Variants in NCLN observed in about 807,000 individuals in gnomAD.
The protein encoded by NCLN is BOS complex subunit NCLN.
Under a neutral mutation model 69.5 loss-of-function variants are expected in NCLN, and 34 were observed. That is an observed-to-expected ratio of 0.49 (90% CI 0.37 to 0.65). The LOEUF (loss-of-function observed/expected upper bound fraction) is 0.65. NCLN is among the 30% of genes least tolerant of loss of function. NCLN has a pLI of 0.00. For synonymous variants in NCLN, 393 were observed against 358.3 expected (o/e 1.10, Z -1.09); for missense variants, 710 against 804.8 (o/e 0.88, Z 1.42).
rs747535929 is a variant in NCLN, at chr19:3,192,597, G to A, written c.312G>A (p.Ser104=). 98 of 1,604,632 alleles carry A rather than the reference G, an allele frequency of 6.1e-5. No individual in the cohort carries two copies. The highest frequency in any genetic ancestry group is 7.8e-5 in the Non-Finnish European group (92 of 1,175,292). ...AGTACCAGAAGGCCCTGCGGCAGTCGGCGGGCGCCGTGGTCATCATCCTGC... is the reference window on the plus strand; with the variant it reads ...AGTACCAGAAGGCCCTGCGGCAGTCAGCGGGCGCCGTGGTCATCATCCTGC... ...YEQYQKALRQ[S]AGAVVIILPR... Residue 104 remains serine (S), a synonymous_variant, in exon 2 of 15, where the codon TCG becomes TCA. Coordinates refer to ENST00000246117, the MANE Select transcript of NCLN (RefSeq NM_020170.4).
At chr19:3,191,917 G>C (rs1046584774) in intron 1 of NCLN, among the ~76,000 whole-genome samples, 1 of 152,164 alleles carries the variant, frequency 6.6e-6, no homozygotes, top group African/African-American at 2.4e-5. Context: ...GGCCGGGCAC[G>C]GTGGCTCACG....
chr19:3,196,216 A>G lies in NCLN; in HGVS notation c.554A>G (p.Gln185Arg). 1 of 1,556,312 alleles carries G rather than the reference A, an allele frequency of 6.4e-7. No homozygotes were observed. The highest frequency in any genetic ancestry group is 8.7e-7 in the Non-Finnish European group (1 of 1,149,600). The change falls in exon 4 of 15, where the codon CAG becomes CGG. Residue 185 changes from glutamine to arginine, a missense_variant. Physicochemically the swap from Gln to Arg is conservative, Grantham distance 43. Coordinates refer to ENST00000246117, the MANE Select transcript of NCLN (RefSeq NM_020170.4). ...CGCACGGCCACTGCCAACGGCTTCC[A>G]GATGGTCACCAGCGGGGTACAGAGC... ...LLRTATANGF[Q>R]MVTSGVQSKA... is the part of the protein sequence containing the mutation.
intron 1 of NCLN, among the ~76,000 whole-genome samples, chr19:3,190,331 C>G (rs1915785770): frequency 6.6e-6 from 1 of 152,168 alleles, no homozygotes; most frequent in Non-Finnish European, 1.5e-5. Context: ...CTCCTCCATC[C>G]CAGGCCTCAG....
At chr19:3,190,362 C>T (rs1220118045) in intron 1 of NCLN, among the ~76,000 whole-genome samples, 18 of 152,182 alleles carry the variant, frequency 1.2e-4, no homozygotes, top group Admixed American at 1.2e-3. Context: ...CTGTGCCCAC[C>T]TCCTTGTGCT....
In NCLN at chr19:3,204,678, C is replaced by A; in HGVS notation, c.1135C>A (p.Arg379=). ...GGAGCACGAGCGCTTCGCCATCCGC[C>A]GACTGCCCGCCTTCACGCTGTCCCA... is the stretch of plus-strand genomic sequence containing the variant. ...AWEHERFAIR[R]LPAFTLSHLE... Residue 379 remains arginine (R), a synonymous_variant, in exon 9 of 15, where the codon CGA becomes AGA. Coordinates refer to ENST00000246117, the MANE Select transcript of NCLN (RefSeq NM_020170.4). 6.2e-7 allele frequency: 1 copy of A among 1,608,448 alleles called. No homozygotes were observed.
In NCLN at chr19:3,206,159, C is replaced by A; in HGVS notation, c.1304C>A (p.Pro435His). 6.6e-7 allele frequency: 1 copy of A among 1,520,514 alleles called. No homozygotes were observed. The highest frequency in any genetic ancestry group is 8.8e-7 in the Non-Finnish European group (1 of 1,132,184). 94.2% of individuals were successfully genotyped at this position (1,520,514 alleles called of 1,614,324 possible). A position where few individuals can be genotyped will look rare whatever the true frequency, so the allele number is the denominator to read the frequency against. The change falls in exon 11 of 15, where the codon CCC becomes CAC. Residue 435 changes from proline (P) to histidine (H), a missense_variant. Pro to His is a moderately conservative substitution (Grantham distance 77, BLOSUM62 -2). Transcript: ENST00000246117. ...CCCCTCCTCTCTCCGCAGGGGACAC[C>A]CCCAGACATGCCGGTGTTCACAGAG... is the stretch of plus-strand genomic sequence containing the variant. ...VIYNLTEKGT[P>H]PDMPVFTEQM...
intron 3 of NCLN, among the ~76,000 whole-genome samples, chr19:3,194,046 G>A (rs1299861799): frequency 6.6e-6 from 1 of 152,206 alleles, no homozygotes; most frequent in African/African-American, 2.4e-5. Context: ...TGAGAAGGGA[G>A]GCCAGAGCCC....
intron 14 of NCLN, 68 bp downstream of exon 14, chr19:3,207,537 A>G (rs1305294437): frequency 1.9e-6 from 3 of 1,607,774 alleles, no homozygotes; most frequent in East Asian, 2.2e-5. Flanking sequence ...GGGCGTCTCC[A>G]AGTGCATCCT....
intron 6 of NCLN, among the ~76,000 whole-genome samples, chr19:3,202,067 C>T (rs1038375649): frequency 2.6e-5 from 4 of 152,168 alleles, no homozygotes; most frequent in African/African-American, 7.2e-5. Flanking sequence ...CCGACATCAC[C>T]CACTGTCCGC....
intron 4 of NCLN, among the ~76,000 whole-genome samples, chr19:3,197,527 C>T (rs1470233650): frequency 1.3e-5 from 2 of 152,174 alleles, no homozygotes; most frequent in African/African-American, 4.8e-5. Context: ...CTGCAACCTC[C>T]GCCTCCCAGG....
At chr19:3,200,042 G>A (rs1465447500) in intron 5 of NCLN, among the ~76,000 whole-genome samples, 2 of 151,634 alleles carry the variant, frequency 1.3e-5, no homozygotes, top group Non-Finnish European at 2.9e-5. Context: ...GGCAGAGTGC[G>A]GAGGGTCTGG....
intron 4 of NCLN, among the ~76,000 whole-genome samples, 187 bp from the exon 5 acceptor site, chr19:3,198,630 C>G (rs903407586): frequency 6.6e-6 from 1 of 152,198 alleles, no homozygotes; most frequent in African/African-American, 2.4e-5. Flanking sequence ...CTACCTCCTC[C>G]CTGGAGGAGC....
At chr19:3,207,293 C>T (rs766103646) in intron 13 of NCLN, 42 bp downstream of exon 13, 22 of 1,612,342 alleles carry the variant, frequency 1.4e-5, no homozygotes, top group South Asian at 3.3e-5. Context: ...TCACCCCCTA[C>T]GGGTTACAGC....
chr19:3,192,685 G>T, intron 2 of NCLN, 25 bp downstream of exon 2: 2 of 1,504,248 alleles, frequency 1.3e-6, no homozygotes, highest in Middle Eastern at 2.2e-4. Context: ...TGCCCCGCCC[G>T]GCTCAGGTCC....
chr19:3,192,613 A>G lies in NCLN; in HGVS notation c.328A>G (p.Ile110Val), dbSNP rs759186469. The G allele has an allele frequency of 1.9e-6, 3 of 1,602,576 alleles. No homozygotes were observed. In the African/African-American group the frequency reaches 4.0e-5, roughly 22 times the overall value. The change falls in exon 2 of 15, where the codon ATC becomes GTC. Residue 110 changes from isoleucine to valine, a missense_variant. Ile to Val is a conservative substitution (Grantham distance 29, BLOSUM62 3). Coordinates refer to ENST00000246117, the MANE Select transcript of NCLN (RefSeq NM_020170.4). ...ALRQSAGAVVIILPRAMAAVP... is the reference protein window; with the variant it reads ...ALRQSAGAVVVILPRAMAAVP... The stretch of plus-strand genomic sequence containing the variant: ...GCGGCAGTCGGCGGGCGCCGTGGTC[A>G]TCATCCTGCCCAGGGCCATGGCCGC...
At chr19:3,195,272 C>T (rs1022547864) in intron 3 of NCLN, among the ~76,000 whole-genome samples, 1 of 151,266 alleles carries the variant, frequency 6.6e-6, no homozygotes, top group African/African-American at 2.4e-5. Context: ...TTTTTTGAGA[C>T]GGAGTCTCGT....
In NCLN at chr19:3,198,806, T is replaced by C; in HGVS notation, c.616-11T>C. 6.3e-7 allele frequency: 1 copy of C among 1,578,064 alleles called. No homozygotes were observed. Among genetic ancestry groups the C allele is most frequent in the Non-Finnish European group, 8.6e-7 (1 of 1,163,336 alleles). On this transcript the variant is annotated splice_polypyrimidine_tract_variant and intron_variant, in intron 4 of 14. Coordinates refer to ENST00000246117, the MANE Select transcript of NCLN (RefSeq NM_020170.4). Reference sequence around the variant, plus strand: ...GAACAGCCAGGCCATTCCCCTGCTCTCTATCCACAGGGGCGGCTGACGGGG... The same window carrying C: ...GAACAGCCAGGCCATTCCCCTGCTCCCTATCCACAGGGGCGGCTGACGGGG...
intron 1 of NCLN, among the ~76,000 whole-genome samples, chr19:3,189,555 T>C (rs1212108067): frequency 6.6e-6 from 1 of 152,238 alleles, no homozygotes; most frequent in Non-Finnish European, 1.5e-5. Flanking sequence ...CCCAGGCCAC[T>C]GTTCAGGTCC....
At chr19:3,203,369 C>T (rs1490822666) in intron 6 of NCLN, among the ~76,000 whole-genome samples, 1 of 151,876 alleles carries the variant, frequency 6.6e-6, no homozygotes, top group Non-Finnish European at 1.5e-5. Flanking sequence ...TTTTTGATCT[C>T]CTCGTGTCTG....
Sources: gnomAD v4.1 joint callset for allele counts (sites outside exome capture counted in the v4.1 genomes callset) on GRCh38, gnomAD v4.1.1 for gene constraint, MANE v1.5 for transcripts, NCBI Gene and HGNC (gene_info 2026-07-23, HGNC 2026-07-21) for gene names.